The following PHEX variants were observed in gnomAD, a reference collection of about 807,000 sequenced individuals.
The protein encoded by PHEX is phosphate-regulating neutral endopeptidase PHEX.
Under a neutral mutation model 68.0 loss-of-function variants are expected in PHEX, and 16 were observed. That is an observed-to-expected ratio of 0.24 (90% CI 0.16 to 0.36). The LOEUF is 0.36. Among genes scored for constraint, PHEX ranks in the 10% least tolerant of loss-of-function variants. PHEX has a pLI of 1.00. For missense variants in PHEX, 480 were observed against 575.5 expected, an observed-to-expected ratio of 0.83 and a Z score of 1.70; for synonymous variants, 208 against 205.1, an observed-to-expected ratio of 1.01 and a Z score of -0.12.
At chrX:22,043,705 A>G (rs1196545461) in intron 2 of PHEX, among the ~76,000 whole-genome samples, 1 of 111,786 alleles carries the variant, frequency 8.9e-6, no homozygotes, top group East Asian at 2.8e-4. Flanking sequence ...TTAAATCTAA[A>G]AACAGAGGCT....
intron 15 of PHEX, among the ~76,000 whole-genome samples, chrX:22,205,218 T>C (rs1199931282): frequency 8.9e-6 from 1 of 112,264 alleles, no homozygotes; most frequent in African/African-American, 3.2e-5. Flanking sequence ...CTCAAGCCCA[T>C]TGAATTTTCC....
chrX:22,232,596 C>CTTTTTTTTTTTTTT lies in PHEX; in HGVS notation c.2070+5002_2070+5015dup, dbSNP rs745474280. Among the ~76,000 whole-genome samples, 26 of 18,553 alleles carry CTTTTTTTTTTTTTT rather than the reference C, an allele frequency of 1.4e-3. 7 individuals carry two copies. The highest frequency in any genetic ancestry group is 2.3e-3 in the Non-Finnish European group (22 of 9,738). 16.1% of individuals were successfully genotyped at this position (18,553 alleles called of 115,157 possible). The stretch of plus-strand genomic sequence containing the variant: ...TCAGAGATTAGGATTGCCACTTCTG[C>CTTTTTTTTTTTTTT]TTTTTTTTTTTTTTTTTTTTTTTTT... On this transcript the variant is annotated intron_variant, in intron 20 of 21. Transcript: ENST00000379374.
At chrX:22,233,916 C>A (rs1226371033) in intron 20 of PHEX, among the ~76,000 whole-genome samples, 1 of 112,203 alleles carries the variant, frequency 8.9e-6, no homozygotes, top group South Asian at 3.7e-4. Context: ...AACTTTTAGC[C>A]TCTTTGTGCT....
chrX:22,157,918 C>A (rs1465085451), intron 12 of PHEX, among the ~76,000 whole-genome samples: 1 of 111,689 alleles, frequency 9.0e-6, no homozygotes, highest in Non-Finnish European at 1.9e-5. Flanking sequence ...TATCTTCTAC[C>A]CCTGTATGAT....
chrX:22,161,953 G>A (rs746839687), intron 12 of PHEX, among the ~76,000 whole-genome samples: 1 of 111,582 alleles, frequency 9.0e-6, no homozygotes, highest in East Asian at 2.8e-4. Flanking sequence ...CTAAGGAAAG[G>A]CCAACTAGGG....
At chrX:22,231,201 T>A (rs1293875875) in intron 20 of PHEX, among the ~76,000 whole-genome samples, 1 of 112,622 alleles carries the variant, frequency 8.9e-6, no homozygotes, top group Non-Finnish European at 1.9e-5. Flanking sequence ...CGCATAGATG[T>A]TCATCAGGGA....
intron 3 of PHEX, among the ~76,000 whole-genome samples, chrX:22,075,285 C>CTTTTTTTTTT: frequency 1.6e-5 from 1 of 62,353 alleles, no homozygotes; most frequent in Non-Finnish European, 3.0e-5. Context: ...CTCTGGGTTG[C>CTTTTTTTTTT]TTTTTTTTTT....
chrX:22,240,996 CTTATTCCAAAA>C (rs1936172018), intron 20 of PHEX, among the ~76,000 whole-genome samples: 2 of 112,237 alleles, frequency 1.8e-5, no homozygotes, highest in South Asian at 7.5e-4. Flanking sequence ...CCACATCACA[CTTATTCCAAAA>C]TTGACCACAT....
intron 2 of PHEX, among the ~76,000 whole-genome samples, chrX:22,043,645 T>C (rs922120621): frequency 1.8e-5 from 2 of 111,487 alleles, no homozygotes; most frequent in African/African-American, 3.3e-5. Flanking sequence ...ATATTGGTGA[T>C]TTTATTATTG....
chrX:22,187,710 T>G (rs1275305929), intron 14 of PHEX, among the ~76,000 whole-genome samples: 1 of 111,754 alleles, frequency 8.9e-6, no homozygotes, highest in African/African-American at 3.2e-5. Context: ...CTCAGGAAAG[T>G]AGGCCAACCA....
chrX:22,185,801 G>C (rs1326854790), intron 14 of PHEX, among the ~76,000 whole-genome samples: 2 of 100,409 alleles, frequency 2.0e-5, no homozygotes, highest in African/African-American at 8.1e-5. Flanking sequence ...CTGTCACCAG[G>C]CTGGAGTACA....
At chrX:22,066,849 C>T (rs369716327) in intron 3 of PHEX, among the ~76,000 whole-genome samples, 19 of 111,333 alleles carry the variant, frequency 1.7e-4, no homozygotes, top group African/African-American at 6.2e-4. Flanking sequence ...CTTTCATAGA[C>T]GAGGGAGGAA....
chrX:22,052,769 G>A (rs760064740), intron 3 of PHEX, among the ~76,000 whole-genome samples: 2 of 109,630 alleles, frequency 1.8e-5, no homozygotes, highest in Admixed American at 9.9e-5. Context: ...GGCATACAGA[G>A]TGGTGTAATA....
intron 11 of PHEX, among the ~76,000 whole-genome samples, chrX:22,131,070 C>T (rs1042843891): frequency 1.8e-5 from 2 of 110,090 alleles, no homozygotes; most frequent in African/African-American, 6.6e-5. Context: ...GACTGAGTCT[C>T]GCTCTGTCAC....
At chrX:22,186,471 G>A (rs1934037431) in intron 14 of PHEX, among the ~76,000 whole-genome samples, 1 of 112,687 alleles carries the variant, frequency 8.9e-6, no homozygotes, top group Non-Finnish European at 1.9e-5. Flanking sequence ...ACTAGCACAT[G>A]TAGCCTTACA....
chrX:22,185,730 G>T (rs1569421817), intron 14 of PHEX, among the ~76,000 whole-genome samples: 1 of 103,131 alleles, frequency 9.7e-6, no homozygotes, highest in Non-Finnish European at 1.9e-5. Context: ...GGGTCACTAG[G>T]CTCAGCTGCA....
Position 22,076,437 on chromosome X carries a change from G to C in PHEX, c.399G>C (p.Gln133His). 8.3e-7 allele frequency: 1 copy of C among 1,205,376 alleles called. No individual in the cohort carries two copies. Among genetic ancestry groups the C allele is most frequent in the South Asian group, 1.8e-5 (1 of 56,846 alleles). The change falls in exon 4 of 22, where the codon CAG (glutamine) becomes CAC (histidine). Residue 133 changes from glutamine (Q) to histidine (H), a missense_variant. Coordinates refer to ENST00000379374, the MANE Select transcript of PHEX (RefSeq NM_000444.6). Reference sequence around the variant, plus strand: ...GAAGGCGGGACACCGAAGCCATACAGAAAGCCAAAATCCTTTATTCATCCT... The same window carrying C: ...GAAGGCGGGACACCGAAGCCATACACAAAGCCAAAATCCTTTATTCATCCT... Reference protein sequence around the residue: ...ISRRRDTEAIQKAKILYSSCM... With the variant: ...ISRRRDTEAIHKAKILYSSCM...
rs769298875 is a variant in PHEX, at chrX:22,149,750, G to A, written c.1404+16126G>A. On this transcript the variant is annotated intron_variant, in intron 12 of 21. Coordinates refer to ENST00000379374, the MANE Select transcript of PHEX (RefSeq NM_000444.6). ...GCCTGGGCGACAAGAGCGAGACTCC[G>A]TCTCAAAAAAGAAAATGAAGGTTAA... 1.3e-3 allele frequency among the ~76,000 whole-genome samples: 142 copies of A among 112,818 alleles called. 1 individual carries two copies. The highest frequency in any genetic ancestry group is 4.6e-3 in the Middle Eastern group (1 of 216).
rs781183439 is a variant in PHEX at position 22,228,032 on chromosome X, C to G, written c.2070+421C>G. On this transcript the variant is annotated intron_variant, in intron 20 of 21. Coordinates refer to ENST00000379374, the MANE Select transcript of PHEX (RefSeq NM_000444.6). ...CCACTCTCAGCCTGTGGGGGACCCT[C>G]AGGGTCATGTTCCCAACTGTCTAAT... Among the ~76,000 whole-genome samples the G allele has an allele frequency of 1.2e-3, 136 of 111,738 alleles. 1 individual carries two copies. Among genetic ancestry groups the G allele is most frequent in the Non-Finnish European group, 3.0e-4 (16 of 53,158 alleles).
Sources: allele counts gnomAD v4.1 joint callset (sites outside exome capture counted in the v4.1 genomes callset), GRCh38; gene constraint gnomAD v4.1.1; transcripts MANE v1.5; gene names NCBI Gene and HGNC (gene_info 2026-07-23, HGNC 2026-07-21).